CFAP43: variants seen among roughly 807,000 people sequenced by gnomAD.
CFAP43 encodes cilia- and flagella-associated protein 43.
A neutral mutation model predicts 218.9 loss-of-function variants in CFAP43; 155 were observed. The observed-to-expected ratio is 0.71, with a 90% CI of 0.62 to 0.81. CFAP43 has a LOEUF of 0.81. Ranked by LOEUF, CFAP43 falls within the 30% of genes least tolerant of loss-of-function variation. CFAP43 has a pLI of 0.00. For missense variants in CFAP43, 1,778 were observed against 1,954.3 expected (o/e 0.91, Z 1.70); for synonymous variants, 645 against 681.3 (o/e 0.95, Z 0.83).
intron 19 of CFAP43, among the ~76,000 whole-genome samples, chr10:104,176,498 T>A (rs1377918229): frequency 6.6e-6 from 1 of 152,184 alleles, no homozygotes; most frequent in Non-Finnish European, 1.5e-5. Flanking sequence ...TATTTAAAAT[T>A]TGGCACATTA....
intron 4 of CFAP43, 58 bp downstream of exon 4, chr10:104,214,201 A>G: frequency 6.7e-7 from 1 of 1,489,774 alleles, no homozygotes; most frequent in Non-Finnish European, 9.0e-7. Context: ...ACCCAATCAC[A>G]TTACACGAAT....
Position 104,196,889 on chromosome 10 carries a change from A to G in CFAP43, c.1257T>C (p.Asp419=). The change falls in exon 10 of 38, where the codon GAT becomes GAC. Residue 419 remains aspartate (D), a synonymous_variant. Coordinates refer to ENST00000357060, the MANE Select transcript of CFAP43 (RefSeq NM_025145.7). The part of the protein sequence containing the change: ...SGEICVWWLE[D]CACVSKIYLN... ...GATAAATCTTGCTTACACAAGCACA[A>G]TCCTCCAGCCACCAAACACAAATTT... The G allele has an allele frequency of 6.2e-7, 1 of 1,613,424 alleles. No individual in the cohort carries two copies. Among genetic ancestry groups the G allele is most frequent in the Non-Finnish European group, 8.5e-7 (1 of 1,179,726 alleles).
At chr10:104,149,793 C>G (rs2088159067) in intron 28 of CFAP43, among the ~76,000 whole-genome samples, 1 of 152,156 alleles carries the variant, frequency 6.6e-6, no homozygotes. Context: ...ACATACCATA[C>G]AATTCACCAT....
chr10:104,171,333 A>G (rs770951526), intron 20 of CFAP43, among the ~76,000 whole-genome samples: 1 of 152,154 alleles, frequency 6.6e-6, no homozygotes, highest in African/African-American at 2.4e-5. Context: ...CTGTTGAGAT[A>G]CTCTTGTCCT....
chr10:104,229,499 T>A (rs375931399), intron 2 of CFAP43, among the ~76,000 whole-genome samples: 1,076 of 96,622 alleles, frequency 0.011, no homozygotes, highest in Non-Finnish European at 0.012. Context: ...GCCAAAAACA[T>A]AAAAAAAAAA....
chr10:104,140,750 A>G (rs2087668165), intron 34 of CFAP43, 92 bp downstream of exon 34: 2 of 1,036,766 alleles, frequency 1.9e-6, no homozygotes, highest in Middle Eastern at 6.4e-4. Context: ...CTAAGGGTTA[A>G]GGCTGCAGTG....
rs1329668870 is a variant in CFAP43, at chr10:104,172,454, C to T, written c.2542G>A (p.Glu848Lys). The T allele has an allele frequency of 3.1e-6, 5 of 1,608,376 alleles. No individual in the cohort carries two copies. Among genetic ancestry groups the T allele is most frequent in the Non-Finnish European group, 8.5e-7 (1 of 1,178,574 alleles). The change falls in exon 20 of 38, where the codon GAA (glutamate) becomes AAA (lysine). Residue 848 changes from glutamate to lysine, a missense_variant. Coordinates refer to ENST00000357060, the MANE Select transcript of CFAP43 (RefSeq NM_025145.7). Reference protein sequence around the residue: ...DQQEFGLDLEELERLHDESQE... With the variant: ...DQQEFGLDLEKLERLHDESQE... ...CTTTCATCATGAAGCCTTTCTAGTT[C>T]CTCAAGATCCAGACCAAATTCCTGT... is the stretch of plus-strand genomic sequence containing the variant.
intron 34 of CFAP43, among the ~76,000 whole-genome samples, chr10:104,136,589 T>TA (rs2087462651): frequency 6.6e-6 from 1 of 152,004 alleles, no homozygotes; most frequent in African/African-American, 2.4e-5. Flanking sequence ...AGGCTGGTCT[T>TA]AAACTCCTGA....
chr10:104,209,388 C>T (rs1399735935), intron 5 of CFAP43, among the ~76,000 whole-genome samples: 2 of 152,066 alleles, frequency 1.3e-5, no homozygotes, highest in Non-Finnish European at 2.9e-5. Context: ...ACACTGAGTG[C>T]ACAAGTCCTA....
At position 104,168,772 on chromosome 10, in the gene CFAP43, G is replaced by C. The variant is rs759746716; in HGVS notation, c.2663C>G (p.Ser888Trp). ...AELIKEECWN[S>W]MAVKGRALKC... ...AAGAGCTCGACCTTTCACAGCCATC[G>C]AATTCCAACATTCTTCTTTGATAAG... The change falls in exon 21 of 38, where the codon TCG becomes TGG. Residue 888 changes from serine to tryptophan, a missense_variant. Transcript: ENST00000357060. The C allele has an allele frequency of 1.4e-5, 22 of 1,613,948 alleles. No individual in the cohort carries two copies. The highest frequency in any genetic ancestry group is 2.7e-5 in the African/African-American group (2 of 74,922).
chr10:104,228,286 T>C (rs1235976625), intron 2 of CFAP43, among the ~76,000 whole-genome samples: 2 of 152,230 alleles, frequency 1.3e-5, no homozygotes, highest in African/African-American at 4.8e-5. Flanking sequence ...TATTTTTTCT[T>C]CTTTCTTCCT....
At chr10:104,178,952 G>C in intron 19 of CFAP43, 77 bp downstream of exon 19, 1 of 1,118,566 alleles carries the variant, frequency 8.9e-7, no homozygotes, top group Admixed American at 2.1e-5. Context: ...GTTCCTCAGG[G>C]TAGAACAAAA....
At chr10:104,207,880 A>G in intron 5 of CFAP43, 56 bp from the exon 6 acceptor site, 1 of 1,543,006 alleles carries the variant, frequency 6.5e-7, no homozygotes, top group Non-Finnish European at 8.8e-7. Context: ...TAAAAGCCTG[A>G]GAAATACTCA....
At chr10:104,162,092 T>C (rs2088905876) in intron 25 of CFAP43, 51 bp from the exon 26 acceptor site, 1 of 1,558,252 alleles carries the variant, frequency 6.4e-7, no homozygotes, top group Non-Finnish European at 8.8e-7. Flanking sequence ...GACCTGACAT[T>C]CCAGGTGGCT....
At position 104,232,338 on chromosome 10, in the gene CFAP43, C is replaced by G; in HGVS notation, c.-92G>C. 7.7e-7 allele frequency: 1 copy of G among 1,305,206 alleles called. No individual in the cohort carries two copies. The highest frequency in any genetic ancestry group is 1.5e-5 in the African/African-American group (1 of 65,784). The allele number at this position is 1,305,206 out of a possible 1,614,324, so 80.9% of individuals were successfully genotyped here. A position where few individuals can be genotyped will look rare whatever the true frequency, so the allele number is the denominator to read the frequency against. ...TCCGCCGCCGCGGGGCTGCGGGCCG[C>G]GACGCCGCTGCTGTGTACACCCGTA... is the stretch of plus-strand genomic sequence containing the variant. On this transcript the variant is annotated 5_prime_UTR_variant, in exon 1 of 38. Transcript: ENST00000357060.
At position 104,212,040 on chromosome 10, in the gene CFAP43, G is replaced by T. The variant is rs746327375; in HGVS notation, c.702C>A (p.Ala234=). 3.1e-6 allele frequency: 5 copies of T among 1,613,472 alleles called. No individual in the cohort carries two copies. The South Asian group carries it at 5.5e-5, about 18-fold the overall frequency. Residue 234 remains alanine, a synonymous_variant, in exon 5 of 38, where the codon GCC becomes GCA. Coordinates refer to ENST00000357060, the MANE Select transcript of CFAP43 (RefSeq NM_025145.7). ...TCTCTGCCTCTTTGCCTACCAGCCC[G>T]GCAATGGCTGACAGTGGCAGCACGG... ...YGPVLPLSAI[A]GLVGKEAETF... is the part of the protein sequence containing the mutation.
intron 27 of CFAP43, among the ~76,000 whole-genome samples, chr10:104,156,563 C>T (rs2088558586): frequency 6.6e-6 from 1 of 152,040 alleles, no homozygotes; most frequent in Admixed American, 6.6e-5. Context: ...AGGATGTAAA[C>T]CTAACAGACC....
At chr10:104,194,164 T>A in intron 10 of CFAP43, 150 bp from the exon 11 acceptor site, 1 of 752,314 alleles carries the variant, frequency 1.3e-6, no homozygotes, top group Non-Finnish European at 2.1e-6. Context: ...ACCCTCAACG[T>A]TCCTGAGCTG....
intron 3 of CFAP43, among the ~76,000 whole-genome samples, chr10:104,216,741 C>G (rs1210994151): frequency 2.0e-5 from 3 of 152,096 alleles, no homozygotes; most frequent in African/African-American, 7.2e-5. Flanking sequence ...GATAGAGTAA[C>G]CAGTTGCACT....
Sources: gnomAD v4.1 joint callset for allele counts (sites outside exome capture counted in the v4.1 genomes callset) on GRCh38, gnomAD v4.1.1 for gene constraint, MANE v1.5 for transcripts, NCBI Gene and HGNC (gene_info 2026-07-23, HGNC 2026-07-21) for gene names.